Variants in PHEX observed in about 807,000 individuals in gnomAD.
The protein encoded by PHEX is phosphate-regulating neutral endopeptidase PHEX.
In PHEX, 16 loss-of-function variants were observed where a neutral mutation model predicts 68.0. The observed-to-expected ratio is 0.24, with a 90% CI of 0.16 to 0.36. PHEX has a LOEUF of 0.36. Ranked by LOEUF, PHEX falls within the 10% of genes least tolerant of loss-of-function variation. The pLI, the probability that PHEX is intolerant of heterozygous loss-of-function variation, is 1.00. For synonymous variants in PHEX, 208 were observed against 205.1 expected (o/e 1.01, Z -0.12); for missense variants, 480 against 575.5 (o/e 0.83, Z 1.70).
At chrX:22,156,416 A>C (rs1319176975) in intron 12 of PHEX, among the ~76,000 whole-genome samples, 2 of 109,253 alleles carry the variant, frequency 1.8e-5, no homozygotes, top group Non-Finnish European at 3.8e-5. Context: ...CTCTGCTTGT[A>C]GGCCGATAAG....
chrX:22,144,115 A>T (rs1932576889), intron 12 of PHEX, among the ~76,000 whole-genome samples: 1 of 111,365 alleles, frequency 9.0e-6, no homozygotes, highest in Non-Finnish European at 1.9e-5. Context: ...TGAAATGGGG[A>T]CAAATACTTT....
At chrX:22,094,208 A>T (rs1930034124) in intron 7 of PHEX, 109 bp downstream of exon 7, 1 of 486,032 alleles carries the variant, frequency 2.1e-6, no homozygotes, top group South Asian at 2.5e-5. Context: ...GAAAATATAA[A>T]TTGCAAACAA....
chrX:22,049,216 G>A lies in PHEX; in HGVS notation c.349+2005G>A, dbSNP rs559395883. Among the ~76,000 whole-genome samples the A allele has an allele frequency of 1.4e-4, 16 of 111,195 alleles. No homozygotes were observed. The South Asian group carries it at 3.4e-3, about 24-fold the overall frequency. On this transcript the variant is annotated intron_variant, in intron 3 of 21. Transcript: ENST00000379374. Reference sequence around the variant, plus strand: ...CTCCGCCTCCTGGGTTCAAACGAGCGATTCTCCTGCCTCAGCCTCCCGAGT... The same window carrying A: ...CTCCGCCTCCTGGGTTCAAACGAGCAATTCTCCTGCCTCAGCCTCCCGAGT...
rs996970903 is a variant in PHEX at position 22,032,526 on chromosome X, T to C, written c.-480T>C. 7.9e-6 allele frequency: 1 copy of C among 125,821 alleles called. No individual in the cohort carries two copies. Among genetic ancestry groups the C allele is most frequent in the East Asian group, 2.3e-4 (1 of 4,422 alleles). 10.4% of individuals were successfully genotyped at this position (125,821 alleles called of 1,213,427 possible). On this transcript the variant is annotated 5_prime_UTR_variant, in exon 1 of 22. Coordinates refer to ENST00000379374, the MANE Select transcript of PHEX (RefSeq NM_000444.6). Reference sequence around the variant, plus strand: ...TCTTGCAACAGAATTACATGATTAATTGAGATCTTGAAGTGGGTCCGGTGA... The same window carrying C: ...TCTTGCAACAGAATTACATGATTAACTGAGATCTTGAAGTGGGTCCGGTGA...
intron 5 of PHEX, among the ~76,000 whole-genome samples, chrX:22,078,213 T>C (rs750304081): frequency 8.9e-6 from 1 of 112,386 alleles, no homozygotes; most frequent in Non-Finnish European, 1.9e-5. Context: ...CTGTTCCAAG[T>C]GCTTGGTTGC....
In PHEX at chrX:22,176,161, C is replaced by T. The variant is rs749154985; in HGVS notation, c.1483-2112C>T. 7.2e-5 allele frequency among the ~76,000 whole-genome samples: 8 copies of T among 110,367 alleles called. No homozygotes were observed. In the South Asian group the frequency reaches 1.9e-3, roughly 27 times the overall value. On this transcript the variant is annotated intron_variant, in intron 13 of 21. Coordinates refer to ENST00000379374, the MANE Select transcript of PHEX (RefSeq NM_000444.6). ...CAGCACTTTGGGAGGCCAAGGTGGG[C>T]GGATCACTTGAGTCCAGGAATTCAA...
At chrX:22,223,405 C>T (rs1263616953) in intron 18 of PHEX, among the ~76,000 whole-genome samples, 2 of 110,656 alleles carry the variant, frequency 1.8e-5, no homozygotes, top group African/African-American at 6.6e-5. Context: ...GTTCAAGGAG[C>T]CAGAGGGGTG....
chrX:22,233,257 C>A (rs970813446), intron 20 of PHEX, among the ~76,000 whole-genome samples: 2 of 111,299 alleles, frequency 1.8e-5, no homozygotes, highest in African/African-American at 6.5e-5. Context: ...TCCTCCATTT[C>A]AACCTTGGTG....
intron 13 of PHEX, among the ~76,000 whole-genome samples, chrX:22,176,396 AAAAAAAATATATAT>A (rs1179903043): frequency 1.6e-4 from 13 of 79,085 alleles, no homozygotes; most frequent in African/African-American, 9.7e-4. Flanking sequence ...AAAAAAAAAA[AAAAAAAATATATAT>A]ATATATATAT....
At chrX:22,063,989 A>G (rs1230404980) in intron 3 of PHEX, among the ~76,000 whole-genome samples, 1 of 112,599 alleles carries the variant, frequency 8.9e-6, no homozygotes, top group Non-Finnish European at 1.9e-5. Flanking sequence ...ACCATATTTC[A>G]TCAAATCAAA....
intron 5 of PHEX, among the ~76,000 whole-genome samples, chrX:22,082,127 T>C (rs1929418206): frequency 8.9e-6 from 1 of 112,319 alleles, no homozygotes. Context: ...ATTTTATTAT[T>C]GTTATTTTTT....
At chrX:22,070,804 G>T (rs775966513) in intron 3 of PHEX, among the ~76,000 whole-genome samples, 2 of 112,253 alleles carry the variant, frequency 1.8e-5, no homozygotes, top group South Asian at 7.3e-4. Flanking sequence ...TCAGGAGAAA[G>T]AACCCAAAGG....
intron 12 of PHEX, among the ~76,000 whole-genome samples, chrX:22,159,509 A>G (rs1360179784): frequency 9.1e-6 from 1 of 109,656 alleles, no homozygotes; most frequent in Non-Finnish European, 1.9e-5. Flanking sequence ...AACAACAACA[A>G]CAACAACACA....
intron 12 of PHEX, among the ~76,000 whole-genome samples, chrX:22,153,273 C>G (rs773092354): frequency 8.9e-6 from 1 of 112,019 alleles, no homozygotes; most frequent in African/African-American, 3.3e-5. Flanking sequence ...TGTGAGCCAC[C>G]GTACCTGGCC....
At chrX:22,182,579 T>C (rs1010398746) in intron 14 of PHEX, among the ~76,000 whole-genome samples, 1 of 105,306 alleles carries the variant, frequency 9.5e-6, no homozygotes, top group Non-Finnish European at 1.9e-5. Flanking sequence ...ATTTTGGTTC[T>C]TATGAAGATG....
intron 12 of PHEX, among the ~76,000 whole-genome samples, chrX:22,145,466 A>G (rs1382800839): frequency 6.3e-5 from 7 of 111,442 alleles, no homozygotes; most frequent in Non-Finnish European, 1.3e-4. Flanking sequence ...AAGTACAAAA[A>G]TTAGCCAGGC....
At chrX:22,232,595 GCTTTTTTTT>G (rs1262673389) in intron 20 of PHEX, among the ~76,000 whole-genome samples, 1 of 19,313 alleles carries the variant, frequency 5.2e-5, no homozygotes, top group African/African-American at 2.2e-4. Flanking sequence ...TGCCACTTCT[GCTTTTTTTT>G]TTTTTTTTTT....
At chrX:22,036,054 ATT>A (rs72347239) in intron 1 of PHEX, among the ~76,000 whole-genome samples, 92 of 56,664 alleles carry the variant, frequency 1.6e-3, no homozygotes, top group African/African-American at 4.8e-3. Flanking sequence ...ATATATATAT[ATT>A]TTTTTTTTTT....
chrX:22,187,886 T>A (rs1934080110), intron 14 of PHEX, among the ~76,000 whole-genome samples: 1 of 112,016 alleles, frequency 8.9e-6, no homozygotes, highest in South Asian at 3.7e-4. Flanking sequence ...TTAGGCGAAC[T>A]GGTTTGAAGT....
Sources: gnomAD v4.1 joint callset for allele counts (sites outside exome capture counted in the v4.1 genomes callset) on GRCh38, gnomAD v4.1.1 for gene constraint, MANE v1.5 for transcripts, NCBI Gene and HGNC (gene_info 2026-07-23, HGNC 2026-07-21) for gene names.